NAV3: variants seen among roughly 807,000 people sequenced by gnomAD.
The protein encoded by NAV3 is pore membrane and/or filament interacting like protein 1.
In NAV3, 87 loss-of-function variants were observed where a neutral mutation model predicts 244.7. That is an observed-to-expected ratio of 0.36 (90% CI 0.30 to 0.42). NAV3 has a LOEUF of 0.42. Among genes scored for constraint, NAV3 ranks in the 20% least tolerant of loss-of-function variants. NAV3 has a pLI of 1.00. For synonymous variants in NAV3, 1,126 were observed against 1,042.2 expected (o/e 1.08, Z -1.55); for missense variants, 2,663 against 2,893.3 (o/e 0.92, Z 1.83).
At chr12:77,632,905 C>G (rs1007701469) in intron 2 of NAV3, among the ~76,000 whole-genome samples, 1 of 152,048 alleles carries the variant, frequency 6.6e-6, no homozygotes, top group African/African-American at 2.4e-5. Flanking sequence ...AATGTTTAGC[C>G]TTGTGCCTGA....
intron 28 of NAV3, among the ~76,000 whole-genome samples, chr12:78,178,007 T>C (rs1958319790): frequency 9.9e-6 from 1 of 101,192 alleles, no homozygotes; most frequent in Admixed American, 9.4e-5. Flanking sequence ...ATGTATATTA[T>C]GTTTTTTTTT....
intron 18 of NAV3, among the ~76,000 whole-genome samples, chr12:78,133,503 A>G (rs770051): frequency 0.82 from 123,999 of 151,434 alleles, 51,004 homozygotes; most frequent in Non-Finnish European, 0.85. Context: ...TAAGATACAG[A>G]ATTATTATTA....
At chr12:77,715,282 G>A (rs1468026053) in intron 2 of NAV3, among the ~76,000 whole-genome samples, 1 of 151,674 alleles carries the variant, frequency 6.6e-6, no homozygotes. Context: ...TATATTGTTG[G>A]TATACAATGG....
At chr12:77,943,753 T>C (rs2137527343) in intron 3 of NAV3, among the ~76,000 whole-genome samples, 1 of 152,310 alleles carries the variant, frequency 6.6e-6, no homozygotes, top group East Asian at 1.9e-4. Flanking sequence ...CCACCTCTTT[T>C]TGTATACCTG....
At chr12:77,872,524 C>CT (rs1881131159) in intron 1 of NAV3, among the ~76,000 whole-genome samples, 2 of 152,054 alleles carry the variant, frequency 1.3e-5, no homozygotes, top group African/African-American at 2.4e-5. Flanking sequence ...GGGCAGGAGA[C>CT]TTTATGCTTG....
rs865805501 is a variant in NAV3, at chr12:77,867,981, G to C, written c.243+36277G>C. ...GGGAAGTGGACTTACACCAGATACT[G>C]TCCCACATCTCAGGCACATGGTCTG... On this transcript the variant is annotated intron_variant, in intron 1 of 39. Transcript: ENST00000397909. Among the ~76,000 whole-genome samples the C allele has an allele frequency of 5.3e-5, 8 of 152,280 alleles. No individual in the cohort carries two copies. The Middle Eastern group carries it at 0.01, about 194-fold the overall frequency.
chr12:78,013,897 T>C (rs1016607455), intron 8 of NAV3, among the ~76,000 whole-genome samples: 1 of 152,050 alleles, frequency 6.6e-6, no homozygotes, highest in African/African-American at 2.4e-5. Flanking sequence ...CTCCTTTTTT[T>C]ATTGTTCCTC....
chr12:78,147,077 A>T (rs1349522566), intron 21 of NAV3, among the ~76,000 whole-genome samples: 1 of 152,096 alleles, frequency 6.6e-6, no homozygotes. Flanking sequence ...AGAGAAAAAA[A>T]ATGCCTTAAC....
At chr12:78,024,744 A>T (rs1207182926) in intron 9 of NAV3, among the ~76,000 whole-genome samples, 1 of 151,932 alleles carries the variant, frequency 6.6e-6, no homozygotes, top group East Asian at 1.9e-4. Flanking sequence ...TTGGGAGGCC[A>T]AGGTGGGCAG....
intron 1 of NAV3, among the ~76,000 whole-genome samples, chr12:77,876,613 G>T (rs1881884315): frequency 6.6e-6 from 1 of 151,984 alleles, no homozygotes; most frequent in Non-Finnish European, 1.5e-5. Flanking sequence ...GCAATTAGTG[G>T]AATCTATAGA....
chr12:77,796,412 C>T (rs982513624), intron 2 of NAV3, among the ~76,000 whole-genome samples: 3 of 152,146 alleles, frequency 2.0e-5, no homozygotes, highest in Non-Finnish European at 4.4e-5. Context: ...TAAGGAGTTG[C>T]TACTTACAGA....
chr12:77,946,992 G>C (rs796068869), intron 3 of NAV3, among the ~76,000 whole-genome samples: 62 of 152,180 alleles, frequency 4.1e-4, no homozygotes, highest in African/African-American at 1.5e-3. Context: ...TTCACAGCTT[G>C]TCCTTCCTCT....
At chr12:77,816,214 C>A (rs1374166712) in intron 2 of NAV3, among the ~76,000 whole-genome samples, 1 of 152,102 alleles carries the variant, frequency 6.6e-6, no homozygotes, top group Non-Finnish European at 1.5e-5. Flanking sequence ...AAACATAGAC[C>A]ATGATTTTAT....
intron 1 of NAV3, among the ~76,000 whole-genome samples, chr12:77,860,689 TA>T (rs1234709774): frequency 1.3e-5 from 2 of 151,910 alleles, no homozygotes; most frequent in Admixed American, 1.3e-4. Context: ...TTTCTGGGTA[TA>T]GATGCAGATG....
At chr12:78,070,983 T>C (rs953276862) in intron 12 of NAV3, among the ~76,000 whole-genome samples, 1 of 147,146 alleles carries the variant, frequency 6.8e-6, no homozygotes. Flanking sequence ...TCCAAGTCTT[T>C]GCTGTTGTGA....
rs553657267 is a variant in NAV3 at position 77,734,827 on chromosome 12, T to G, written c.72+162561T>G. 2.0e-5 allele frequency among the ~76,000 whole-genome samples: 3 copies of G among 152,268 alleles called. No individual in the cohort carries two copies. In the South Asian group the frequency reaches 6.2e-4, roughly 32 times the overall value. On this transcript the variant is annotated intron_variant, in intron 2 of 8. Coordinates refer to the NAV3 transcript ENST00000550042. ...ATGTGTTAACCTTGACCAGTTTCTT[T>G]TAAGTGAAAGTAAATACTAGAACGC...
chr12:77,982,334 ACCAT>A (rs1869730650), intron 5 of NAV3, among the ~76,000 whole-genome samples: 1 of 62,504 alleles, frequency 1.6e-5, no homozygotes, highest in Non-Finnish European at 4.5e-5. Context: ...ATTGGCCCTC[ACCAT>A]GAGCCAAGAG....
chr12:78,179,799 T>C lies in NAV3; in HGVS notation c.5517+117T>C, dbSNP rs1593931002. ...TTGGAAACCCACCTTAGAAATGTACTCTGTTTATTCAGTCTTTGCAACTCA... is the reference window on the plus strand; with the variant it reads ...TTGGAAACCCACCTTAGAAATGTACCCTGTTTATTCAGTCTTTGCAACTCA... On this transcript the variant is annotated intron_variant, in intron 29 of 39. Coordinates refer to ENST00000397909, the MANE Select transcript of NAV3 (RefSeq NM_001024383.2). 2.4e-5 allele frequency: 28 copies of C among 1,157,280 alleles called. 1 individual carries two copies. In the South Asian group the frequency reaches 4.1e-4, roughly 17 times the overall value. 71.7% of individuals were successfully genotyped at this position (1,157,280 alleles called of 1,614,324 possible).
intron 3 of NAV3, among the ~76,000 whole-genome samples, chr12:77,961,527 T>G (rs1346534738): frequency 2.1e-5 from 3 of 144,528 alleles, no homozygotes; most frequent in Non-Finnish European, 4.5e-5. Flanking sequence ...ATATATACTT[T>G]AATAATATAT....
Sources: gnomAD v4.1 joint callset for allele counts (sites outside exome capture counted in the v4.1 genomes callset) on GRCh38, gnomAD v4.1.1 for gene constraint, MANE v1.5 for transcripts, NCBI Gene and HGNC (gene_info 2026-07-23, HGNC 2026-07-21) for gene names.